Variants in PPP1R1C observed in about 807,000 individuals in gnomAD.
PPP1R1C encodes protein phosphatase 1 regulatory inhibitor subunit 1C.
A neutral mutation model predicts 17.4 loss-of-function variants in PPP1R1C; 15 were observed. The ratio of observed to expected loss-of-function variants is 0.86; its 90% CI spans 0.58 to 1.33. PPP1R1C has a LOEUF of 1.33. Among genes scored for constraint, PPP1R1C ranks in the 40% most tolerant of loss-of-function variants. The pLI is 0.00. For missense variants in PPP1R1C, 143 were observed against 130.0 expected (o/e 1.10, Z -0.48); for synonymous variants, 35 against 43.1 (o/e 0.81, Z 0.73).
At chr2:182,095,298 C>T (rs1688900172) in intron 4 of PPP1R1C, among the ~76,000 whole-genome samples, 1 of 137,980 alleles carries the variant, frequency 7.2e-6, no homozygotes, top group Non-Finnish European at 1.6e-5. Flanking sequence ...GACTCCATCT[C>T]AAATAAAAAA....
intron 4 of PPP1R1C, among the ~76,000 whole-genome samples, chr2:182,076,361 A>ATT (rs112297364): frequency 7.0e-6 from 1 of 142,510 alleles, no homozygotes; most frequent in Non-Finnish European, 1.5e-5. Context: ...CGCCCGACTA[A>ATT]TTTTTTTTTT....
intron 4 of PPP1R1C, among the ~76,000 whole-genome samples, chr2:182,084,018 A>T (rs1688555618): frequency 6.6e-6 from 1 of 152,128 alleles, no homozygotes; most frequent in Middle Eastern, 3.2e-3. Flanking sequence ...ATTATTAGTG[A>T]TGTTGAACAT....
At chr2:182,089,749 A>T (rs1688729094) in intron 4 of PPP1R1C, among the ~76,000 whole-genome samples, 1 of 152,124 alleles carries the variant, frequency 6.6e-6, no homozygotes, top group Non-Finnish European at 1.5e-5. Context: ...TACACTGTTA[A>T]TTAATCTGAT....
At chr2:182,098,519 A>C (rs1367120026) in intron 4 of PPP1R1C, among the ~76,000 whole-genome samples, 4 of 152,142 alleles carry the variant, frequency 2.6e-5, no homozygotes, top group Admixed American at 6.5e-5. Flanking sequence ...AGAGATCACC[A>C]CAAGCTTTCT....
chr2:182,064,401 A>G (rs1308928331), intron 4 of PPP1R1C, among the ~76,000 whole-genome samples: 1 of 152,012 alleles, frequency 6.6e-6, no homozygotes, highest in Admixed American at 6.6e-5. Context: ...TATTTCTCAC[A>G]CTGAAATGTT....
At chr2:182,009,568 C>T (rs1298644382) in intron 2 of PPP1R1C, among the ~76,000 whole-genome samples, 13 of 151,994 alleles carry the variant, frequency 8.6e-5, no homozygotes, top group South Asian at 4.1e-4. Flanking sequence ...TTCTCCCATT[C>T]GGTGGGGGTG....
intron 2 of PPP1R1C, among the ~76,000 whole-genome samples, chr2:182,037,024 A>G (rs190435878): frequency 1.3e-5 from 2 of 152,356 alleles, no homozygotes; most frequent in Admixed American, 1.3e-4. Flanking sequence ...TGTATTAGAG[A>G]GGCTAAATAC....
At chr2:181,965,825 T>C (rs538683996) in intron 1 of PPP1R1C, among the ~76,000 whole-genome samples, 1 of 152,332 alleles carries the variant, frequency 6.6e-6, no homozygotes, top group South Asian at 2.1e-4. Context: ...GATAGTTTTT[T>C]CTATTTCCAT....
intron 4 of PPP1R1C, among the ~76,000 whole-genome samples, chr2:182,075,585 C>T (rs1289762737): frequency 6.6e-6 from 1 of 152,194 alleles, no homozygotes; most frequent in Non-Finnish European, 1.5e-5. Context: ...ATAAAATTTA[C>T]ACACCATCAC....
intron 2 of PPP1R1C, among the ~76,000 whole-genome samples, chr2:182,038,205 T>A (rs1687070639): frequency 6.6e-6 from 1 of 151,922 alleles, no homozygotes; most frequent in African/African-American, 2.4e-5. Context: ...GACCAGCTAA[T>A]GTTTTGTGGT....
At chr2:182,082,582 C>G (rs1208576574) in intron 4 of PPP1R1C, among the ~76,000 whole-genome samples, 1 of 152,120 alleles carries the variant, frequency 6.6e-6, no homozygotes, top group Non-Finnish European at 1.5e-5. Flanking sequence ...TACTGCCCTG[C>G]CTTCGCTGGC....
intron 4 of PPP1R1C, 128 bp downstream of exon 4, chr2:182,063,919 A>G: frequency 1.4e-6 from 1 of 718,444 alleles, no homozygotes; most frequent in Non-Finnish European, 2.5e-6. Context: ...TAACAGTGTT[A>G]TGTTCAGTAA....
rs1418034800 is a variant in PPP1R1C, at chr2:182,035,846, G to T, written c.143-25596G>T. Among the ~76,000 whole-genome samples, 4 of 152,114 alleles carry T rather than the reference G, an allele frequency of 2.6e-5. No homozygotes were observed. The East Asian group carries it at 7.7e-4, about 29-fold the overall frequency. On this transcript the variant is annotated intron_variant, in intron 2 of 4. Coordinates refer to ENST00000682840, the MANE Select transcript of PPP1R1C (RefSeq NM_001080545.3). ...CAGGTAGTGCTTTATAGCAGTGTGAGAACAGACTAATACAGTATTCTTGCT... is the reference window on the plus strand; with the variant it reads ...CAGGTAGTGCTTTATAGCAGTGTGATAACAGACTAATACAGTATTCTTGCT...
At chr2:182,016,340 T>A (rs1686262404) in intron 2 of PPP1R1C, among the ~76,000 whole-genome samples, 1 of 152,310 alleles carries the variant, frequency 6.6e-6, no homozygotes, top group South Asian at 2.1e-4. Flanking sequence ...GAGATTGTGA[T>A]TGCTCATTTG....
At chr2:181,988,621 G>A (rs1472661248) in intron 2 of PPP1R1C, among the ~76,000 whole-genome samples, 1 of 152,184 alleles carries the variant, frequency 6.6e-6, no homozygotes, top group Non-Finnish European at 1.5e-5. Flanking sequence ...ACATTAATTT[G>A]CAACCAGGCA....
intron 5 of PPP1R1C, among the ~76,000 whole-genome samples, chr2:182,124,319 T>C (rs1689815106): frequency 8.0e-6 from 1 of 124,394 alleles, no homozygotes. Flanking sequence ...TTTTTGTTTT[T>C]TTTTTTTGTT....
In PPP1R1C at chr2:182,067,149, A is replaced by T. The variant is rs1483201934; in HGVS notation, c.241+3358A>T. Reference sequence around the variant, plus strand: ...GCATTACCATTCTTAATGCATAGCCAGTCAGATTTTTCATTTACTTCTGTA... The same window carrying T: ...GCATTACCATTCTTAATGCATAGCCTGTCAGATTTTTCATTTACTTCTGTA... On this transcript the variant is annotated intron_variant, in intron 4 of 4. Coordinates refer to ENST00000682840, the MANE Select transcript of PPP1R1C (RefSeq NM_001080545.3). 3.3e-5 allele frequency among the ~76,000 whole-genome samples: 5 copies of T among 152,142 alleles called. 1 individual carries two copies. The highest frequency in any genetic ancestry group is 7.4e-5 in the Non-Finnish European group (5 of 68,016).
intron 4 of PPP1R1C, among the ~76,000 whole-genome samples, chr2:182,096,065 C>T (rs1356039500): frequency 6.6e-6 from 1 of 151,056 alleles, no homozygotes; most frequent in Non-Finnish European, 1.5e-5. Context: ...AAGCATAATA[C>T]ATTTATTTAA....
In PPP1R1C at chr2:182,091,087, C is replaced by G. The variant is rs144659151; in HGVS notation, c.242-26120C>G. On this transcript the variant is annotated intron_variant, in intron 4 of 4. Transcript: ENST00000682840. ...CCTGTATTGATGAAGGACTTTTCTT[C>G]AACCTTAAAGGAGTAATAAATTACC... Among the ~76,000 whole-genome samples, 13 of 152,252 alleles carry G rather than the reference C, an allele frequency of 8.5e-5. No individual in the cohort carries two copies. The South Asian group carries it at 2.5e-3, about 29-fold the overall frequency.
Sources: allele counts gnomAD v4.1 joint callset (sites outside exome capture counted in the v4.1 genomes callset), GRCh38; gene constraint gnomAD v4.1.1; transcripts MANE v1.5; gene names NCBI Gene and HGNC (gene_info 2026-07-23, HGNC 2026-07-21).